HECW2: variants seen among roughly 807,000 people sequenced by gnomAD.
HECW2 encodes the protein HECT, C2 and WW domain containing E3 ubiquitin protein ligase 2.
A neutral mutation model predicts 175.2 loss-of-function variants in HECW2; 61 were observed. That is an observed-to-expected ratio of 0.35 (90% CI 0.28 to 0.43). HECW2 has a LOEUF of 0.43. Among genes scored for constraint, HECW2 ranks in the 20% least tolerant of loss-of-function variants. HECW2 has a pLI of 1.00. For missense variants in HECW2, 1,524 were observed against 2,000.5 expected, an observed-to-expected ratio of 0.76 and a Z score of 4.54; for synonymous variants, 671 against 731.0, an observed-to-expected ratio of 0.92 and a Z score of 1.32.
intron 1 of HECW2, among the ~76,000 whole-genome samples, chr2:196,555,449 T>C (rs1370826283): frequency 1.3e-5 from 2 of 152,276 alleles, no homozygotes; most frequent in African/African-American, 2.4e-5. Flanking sequence ...TACCATCACA[T>C]TGCAGGTTAG....
At position 196,433,320 on chromosome 2, in the gene HECW2, C is replaced by G; in HGVS notation, c.104G>C (p.Ser35Thr). ...PENLQSLAAQSSMPENMTLQR... is the reference protein window; with the variant it reads ...PENLQSLAAQTSMPENMTLQR... ...CAGGGTCATGTTCTCTGGCATGGAG[C>G]TCTGGGCGGCAAGGCTCTGGAGGTT... is the stretch of plus-strand genomic sequence containing the variant. The change falls in exon 2 of 29, where the codon AGC becomes ACC. Residue 35 changes from serine to threonine, a missense_variant. Transcript: ENST00000644978. The G allele has an allele frequency of 6.2e-7, 1 of 1,614,120 alleles. No individual in the cohort carries two copies. Among genetic ancestry groups the G allele is most frequent in the Admixed American group, 1.7e-5 (1 of 60,020 alleles).
chr2:196,396,095 G>A (rs976756536), intron 2 of HECW2, among the ~76,000 whole-genome samples: 2 of 152,108 alleles, frequency 1.3e-5, no homozygotes, highest in Non-Finnish European at 1.5e-5. Flanking sequence ...AAGATATTAC[G>A]CTAAGTGATA....
chr2:196,426,046 G>A (rs1166801800), intron 2 of HECW2, among the ~76,000 whole-genome samples: 1 of 152,066 alleles, frequency 6.6e-6, no homozygotes, highest in Non-Finnish European at 1.5e-5. Context: ...CTATCAACAT[G>A]GAGGCAAGAC....
intron 1 of HECW2, among the ~76,000 whole-genome samples, chr2:196,518,726 CCT>C (rs1418706149): frequency 6.6e-6 from 1 of 151,508 alleles, no homozygotes; most frequent in African/African-American, 2.4e-5. Flanking sequence ...TCCTTCACTC[CCT>C]CTGATATGAC....
chr2:196,525,975 G>A (rs1380196945), intron 1 of HECW2, among the ~76,000 whole-genome samples: 1 of 86,412 alleles, frequency 1.2e-5, no homozygotes, highest in African/African-American at 4.9e-5. Context: ...CTCTTCTCGA[G>A]GAGTATCTTT....
At chr2:196,242,865 G>C (rs972294253) in intron 19 of HECW2, 8 of 151,916 alleles carry the variant, frequency 5.3e-5, no homozygotes, top group Admixed American at 5.3e-4. Context: ...GCTAATTTTT[G>C]TATTTTTAGT....
At chr2:196,229,359 G>C (rs1687965978) in intron 21 of HECW2, among the ~76,000 whole-genome samples, 1 of 151,870 alleles carries the variant, frequency 6.6e-6, no homozygotes, top group South Asian at 2.1e-4. Flanking sequence ...TTGTGTGAAG[G>C]AGGAAAAAAC....
intron 1 of HECW2, among the ~76,000 whole-genome samples, chr2:196,534,275 T>C (rs1424205926): frequency 1.4e-5 from 2 of 140,412 alleles, no homozygotes; most frequent in Non-Finnish European, 3.0e-5. Flanking sequence ...CCTCCGTTTT[T>C]GTGCAGGAAA....
intron 3 of HECW2, among the ~76,000 whole-genome samples, chr2:196,337,315 A>ATTT (rs36056934): frequency 0.22 from 32,038 of 145,184 alleles, 4,058 homozygotes; most frequent in African/African-American, 0.35. Context: ...CAAGAGGAGC[A>ATTT]TTTTTTTTTT....
intron 25 of HECW2, 41 bp from the exon 26 acceptor site, chr2:196,220,194 G>T: frequency 1.6e-6 from 2 of 1,278,088 alleles, no homozygotes; most frequent in Non-Finnish European, 1.1e-6. Flanking sequence ...TTAGGAGCCT[G>T]GAGAAATATC....
At position 196,197,777 on chromosome 2, in the gene HECW2, AC is replaced by A. The variant is rs1249871481; in HGVS notation, c.*3499del. 1 of 152,204 alleles carries A rather than the reference AC, an allele frequency of 6.6e-6. No homozygotes were observed. The highest frequency in any genetic ancestry group is 2.4e-5 in the African/African-American group (1 of 41,450). The allele number at this position is 152,204 out of a possible 1,614,324, so 9.4% of individuals were successfully genotyped here. ...AAGCCATCCATGAAAATCAGCCACA[AC>A]CCAGATGGAACATGATGCTTGTACC... On this transcript the variant is annotated 3_prime_UTR_variant, in exon 29 of 29. Transcript: ENST00000644978.
At chr2:196,363,816 C>A (rs1693669962) in intron 2 of HECW2, among the ~76,000 whole-genome samples, 1 of 151,976 alleles carries the variant, frequency 6.6e-6, no homozygotes, top group Non-Finnish European at 1.5e-5. Context: ...AGAGTGAGAT[C>A]CTGTCTCTAA....
chr2:196,478,866 C>T (rs1006209800), intron 1 of HECW2, among the ~76,000 whole-genome samples: 28 of 152,196 alleles, frequency 1.8e-4, no homozygotes, highest in African/African-American at 6.7e-4. Context: ...ATTTGTGGTA[C>T]ATAGAAGAGG....
chr2:196,313,567 G>T (rs745618424), intron 10 of HECW2, among the ~76,000 whole-genome samples: 2 of 152,152 alleles, frequency 1.3e-5, no homozygotes, highest in Non-Finnish European at 2.9e-5. Flanking sequence ...GCAAGAGTAA[G>T]ATTTTGAGAA....
intron 2 of HECW2, among the ~76,000 whole-genome samples, chr2:196,361,132 G>A (rs1319772388): frequency 6.6e-6 from 1 of 152,090 alleles, no homozygotes; most frequent in Non-Finnish European, 1.5e-5. Context: ...CTAAAATTTT[G>A]CCCTGGAGTT....
intron 16 of HECW2, among the ~76,000 whole-genome samples, chr2:196,273,630 G>T (rs1169201110): frequency 6.6e-6 from 1 of 152,118 alleles, no homozygotes; most frequent in Non-Finnish European, 1.5e-5. Context: ...TTGTGAGGCT[G>T]CTACAGATTC....
At chr2:196,241,066 TGTTAA>T (rs1688435811) in intron 20 of HECW2, among the ~76,000 whole-genome samples, 1 of 152,178 alleles carries the variant, frequency 6.6e-6, no homozygotes, top group Non-Finnish European at 1.5e-5. Flanking sequence ...AATTGTTAAT[TGTTAA>T]ATTAAGTGAA....
At chr2:196,369,786 T>C (rs2105900240) in intron 2 of HECW2, among the ~76,000 whole-genome samples, 1 of 151,770 alleles carries the variant, frequency 6.6e-6, no homozygotes, top group South Asian at 2.1e-4. Flanking sequence ...CAGAGGCATT[T>C]CTCCCTATGG....
At chr2:196,363,149 T>C (rs1693646932) in intron 2 of HECW2, among the ~76,000 whole-genome samples, 1 of 152,112 alleles carries the variant, frequency 6.6e-6, no homozygotes. Flanking sequence ...CTTCTGGACA[T>C]GCAAACCCAG....
Sources: gnomAD v4.1 joint callset for allele counts (sites outside exome capture counted in the v4.1 genomes callset) on GRCh38, gnomAD v4.1.1 for gene constraint, MANE v1.5 for transcripts, NCBI Gene and HGNC (gene_info 2026-07-23, HGNC 2026-07-21) for gene names.